The following MYO16 variants were observed in gnomAD, a reference collection of about 807,000 sequenced individuals.
The protein encoded by MYO16 is unconventional myosin-XVI.
In MYO16, 94 loss-of-function variants were observed where a neutral mutation model predicts 205.3. The ratio of observed to expected loss-of-function variants is 0.46; its 90% CI spans 0.39 to 0.54. MYO16 has a LOEUF of 0.54. Among genes scored for constraint, MYO16 ranks in the 20% least tolerant of loss-of-function variants. The pLI is 0.00. For synonymous variants in MYO16, 988 were observed against 954.0 expected, an observed-to-expected ratio of 1.04 and a Z score of -0.66; for missense variants, 2,315 against 2,387.5, an observed-to-expected ratio of 0.97 and a Z score of 0.63.
At chr13:108,501,077 C>T in the MYO16 span, among the ~76,000 whole-genome samples, 1 of 152,178 alleles carries the variant, frequency 6.6e-6, no homozygotes, top group Non-Finnish European at 1.5e-5. Context: ...AGATCATCTT[C>T]CCCCAAATAC....
At chr13:108,758,225 G>C (rs967740744) in intron 4 of MYO16, among the ~76,000 whole-genome samples, 1 of 152,154 alleles carries the variant, frequency 6.6e-6, no homozygotes, top group Admixed American at 6.5e-5. Flanking sequence ...CCCAGTCTAA[G>C]GTATTTTGCT....
intron 16 of MYO16, among the ~76,000 whole-genome samples, chr13:108,939,676 T>C (rs1667058663): frequency 2.0e-5 from 3 of 152,196 alleles, no homozygotes; most frequent in African/African-American, 7.2e-5. Flanking sequence ...TTTGAGAATA[T>C]TATTGGAGAT....
chr13:108,742,748 T>A (rs900880495), intron 4 of MYO16, among the ~76,000 whole-genome samples: 1 of 152,242 alleles, frequency 6.6e-6, no homozygotes, highest in Non-Finnish European at 1.5e-5. Context: ...CATATTTACA[T>A]GTATTATTTC....
chr13:109,191,821 T>G (rs1879929323), intron 34 of MYO16, among the ~76,000 whole-genome samples: 1 of 152,226 alleles, frequency 6.6e-6, no homozygotes, highest in Non-Finnish European at 1.5e-5. Context: ...ATTACAACCT[T>G]CTTTAAAATC....
At chr13:109,124,082 C>T (rs1469691829) in intron 29 of MYO16, among the ~76,000 whole-genome samples, 5 of 152,164 alleles carry the variant, frequency 3.3e-5, no homozygotes, top group African/African-American at 7.2e-5. Flanking sequence ...CATGAGAAGG[C>T]GTCACTGTGC....
At chr13:109,069,797 T>C (rs1000897993) in intron 27 of MYO16, among the ~76,000 whole-genome samples, 4 of 152,076 alleles carry the variant, frequency 2.6e-5, no homozygotes, top group South Asian at 4.1e-4. Flanking sequence ...TCCAGTTACA[T>C]TGGGGATTTG....
intron 29 of MYO16, among the ~76,000 whole-genome samples, chr13:109,122,674 GAA>G (rs942359506): frequency 7.5e-6 from 1 of 133,494 alleles, no homozygotes; most frequent in Non-Finnish European, 1.6e-5. Flanking sequence ...CAACAAGAGT[GAA>G]ACTCTGTCTC....
At chr13:108,808,400 C>T (rs549664750) in intron 7 of MYO16, among the ~76,000 whole-genome samples, 1 of 152,022 alleles carries the variant, frequency 6.6e-6, no homozygotes, top group South Asian at 2.1e-4. Flanking sequence ...CAACCTCCGC[C>T]TCCTGAGTTC....
intron 16 of MYO16, among the ~76,000 whole-genome samples, chr13:108,919,229 C>A (rs1245921850): frequency 2.0e-5 from 3 of 152,212 alleles, no homozygotes; most frequent in Non-Finnish European, 2.9e-5. Flanking sequence ...GGCATATTGC[C>A]ATGCAGTCCC....
intron 1 of MYO16, among the ~76,000 whole-genome samples, chr13:108,659,896 G>A (rs550260726): frequency 7.9e-5 from 12 of 152,092 alleles, no homozygotes; most frequent in Admixed American, 3.9e-4. Flanking sequence ...TTAGGAAATC[G>A]ATTAGTATAG....
chr13:108,557,156 T>C, the MYO16 span, among the ~76,000 whole-genome samples: 1 of 152,208 alleles, frequency 6.6e-6, no homozygotes, highest in Non-Finnish European at 1.5e-5. Context: ...TTGTGTTTTC[T>C]ATTTCTATGA....
chr13:108,862,692 T>C (rs1381258520), intron 11 of MYO16, among the ~76,000 whole-genome samples: 3 of 152,220 alleles, frequency 2.0e-5, no homozygotes, highest in Admixed American at 6.6e-5. Flanking sequence ...ATGTGTTAGC[T>C]AATCATGACC....
intron 32 of MYO16, among the ~76,000 whole-genome samples, chr13:109,159,082 AC>A (rs1235084632): frequency 6.6e-6 from 1 of 152,218 alleles, no homozygotes; most frequent in Non-Finnish European, 1.5e-5. Flanking sequence ...CTATGTATGG[AC>A]CTTGTGTCTT....
At chr13:108,849,739 T>A (rs565956431) in intron 10 of MYO16, among the ~76,000 whole-genome samples, 3 of 150,992 alleles carry the variant, frequency 2.0e-5, no homozygotes, top group African/African-American at 7.3e-5. Flanking sequence ...TCTTTTTTTT[T>A]TTTTAACTCA....
At chr13:109,031,107 T>C (rs566105358) in intron 23 of MYO16, among the ~76,000 whole-genome samples, 12 of 152,286 alleles carry the variant, frequency 7.9e-5, no homozygotes, top group Middle Eastern at 6.8e-3. Flanking sequence ...TTTGATTTGA[T>C]TTTTGAGATG....
chr13:108,521,202 A>C, the MYO16 span, among the ~76,000 whole-genome samples: 1 of 152,178 alleles, frequency 6.6e-6, no homozygotes, highest in African/African-American at 2.4e-5. Context: ...CTATCTCAGG[A>C]GGGGGAGACA....
At chr13:109,100,346 G>A (rs1295403303) in intron 27 of MYO16, among the ~76,000 whole-genome samples, 5 of 152,156 alleles carry the variant, frequency 3.3e-5, no homozygotes. Flanking sequence ...ATTCTGAATG[G>A]ACGTTTTGGT....
Position 108,709,846 on chromosome 13 carries a change from G to C in MYO16, c.293-2815G>C, listed in dbSNP as rs1312433252. Among the ~76,000 whole-genome samples the C allele has an allele frequency of 3.0e-5, 4 of 134,418 alleles. 1 individual carries two copies. Among genetic ancestry groups the C allele is most frequent in the Non-Finnish European group, 6.5e-5 (4 of 61,514 alleles). 88.2% of individuals were successfully genotyped at this position (134,418 alleles called of 152,430 possible). On this transcript the variant is annotated intron_variant, in intron 2 of 34. Coordinates refer to ENST00000457511, the MANE Select transcript of MYO16 (RefSeq NM_001198950.3). ...TTCTTGAGTCCTTACTCATGGTAAT[G>C]ATGGGCAAGCCAGTTAATATCGAGT...
chr13:109,172,634 C>T (rs1459361840), intron 33 of MYO16, among the ~76,000 whole-genome samples: 2 of 152,144 alleles, frequency 1.3e-5, no homozygotes, highest in Non-Finnish European at 2.9e-5. Context: ...CTCTCTTTTT[C>T]AATTTTCTAA....
Sources: gnomAD v4.1 joint callset for allele counts (sites outside exome capture counted in the v4.1 genomes callset) on GRCh38, gnomAD v4.1.1 for gene constraint, MANE v1.5 for transcripts, NCBI Gene and HGNC (gene_info 2026-07-23, HGNC 2026-07-21) for gene names.